The following OSBPL9 variants were observed in gnomAD, a reference collection of about 807,000 sequenced individuals.
OSBPL9 encodes the protein oxysterol binding protein like 9, also known as oxysterol-binding protein-related protein 9.
In OSBPL9, 40 loss-of-function variants were observed where a neutral mutation model predicts 106.6. The ratio of observed to expected loss-of-function variants is 0.38; its 90% CI spans 0.29 to 0.49. The LOEUF is 0.49. Ranked by LOEUF, OSBPL9 falls within the 20% of genes least tolerant of loss-of-function variation. The pLI, the probability that OSBPL9 is intolerant of heterozygous loss-of-function variation, is 0.97. For missense variants in OSBPL9, 609 were observed against 887.2 expected (o/e 0.69, Z 3.98); for synonymous variants, 269 against 295.4 (o/e 0.91, Z 0.92).
chr1:51,603,792 G>C (rs1319342662), intron 2 of OSBPL9, among the ~76,000 whole-genome samples: 1 of 152,150 alleles, frequency 6.6e-6, no homozygotes, highest in East Asian at 1.9e-4. Flanking sequence ...TTGGAGTGCA[G>C]GCAAATTATT....
the OSBPL9 span, among the ~76,000 whole-genome samples, chr1:51,553,473 C>T: frequency 6.6e-6 from 1 of 151,942 alleles, no homozygotes. Context: ...GTATTCTCAC[C>T]ACCACACCCC....
chr1:51,589,992 C>G (rs1389092364), intron 1 of OSBPL9, among the ~76,000 whole-genome samples: 1 of 146,996 alleles, frequency 6.8e-6, no homozygotes, highest in Non-Finnish European at 1.5e-5. Flanking sequence ...GAGGTTGCGC[C>G]CCTGCACTCC....
intron 20 of OSBPL9, 34 bp from the exon 21 acceptor site, chr1:51,785,774 T>G: frequency 6.3e-6 from 10 of 1,592,004 alleles, no homozygotes; most frequent in Non-Finnish European, 7.8e-6. Flanking sequence ...ATTTTCAACT[T>G]GAGACTAACA....
chr1:51,576,190 A>G (rs185734092), upstream of OSBPL9, among the ~76,000 whole-genome samples: 55 of 152,264 alleles, frequency 3.6e-4, no homozygotes, highest in Non-Finnish European at 6.0e-4. Flanking sequence ...AAGAGGTTTT[A>G]CCTCCTCAAC....
intron 4 of OSBPL9, among the ~76,000 whole-genome samples, chr1:51,719,056 G>A (rs1162233454): frequency 1.3e-5 from 2 of 152,036 alleles, no homozygotes; most frequent in Admixed American, 1.3e-4. Flanking sequence ...CTTTTGATAT[G>A]TAGCTTTAGT....
the OSBPL9 span, chr1:51,519,247 C>T: frequency 8.0e-7 from 1 of 1,249,778 alleles, no homozygotes; most frequent in Non-Finnish European, 1.0e-6. Flanking sequence ...TTCCATCATG[C>T]AAGGGAGGGG....
chr1:51,524,998 C>T, the OSBPL9 span, among the ~76,000 whole-genome samples: 1 of 152,340 alleles, frequency 6.6e-6, no homozygotes, highest in South Asian at 2.1e-4. Context: ...AATCACAAGG[C>T]AAGTCAGAGG....
the OSBPL9 span, among the ~76,000 whole-genome samples, chr1:51,559,213 T>C: frequency 2.4e-4 from 37 of 151,710 alleles, no homozygotes; most frequent in Non-Finnish European, 4.6e-4. Context: ...CCCATCTCCA[T>C]ACTGAGAGTC....
At chr1:51,708,410 A>G (rs879418398) in intron 3 of OSBPL9, among the ~76,000 whole-genome samples, 6 of 152,120 alleles carry the variant, frequency 3.9e-5, no homozygotes, top group Non-Finnish European at 8.8e-5. Flanking sequence ...TCTGCTTAAA[A>G]AGAATATCTG....
chr1:51,760,895 A>C, intron 10 of OSBPL9, 115 bp downstream of exon 10: 3 of 1,163,758 alleles, frequency 2.6e-6, no homozygotes, highest in Non-Finnish European at 3.6e-6. Context: ...TTTTAATAAA[A>C]GCACTCAAAA....
intron 7 of OSBPL9, 86 bp downstream of exon 7, chr1:51,748,484 A>G: frequency 7.7e-7 from 1 of 1,297,880 alleles, no homozygotes; most frequent in Non-Finnish European, 1.0e-6. Context: ...ACTATTGATG[A>G]CAGCAATTGA....
chr1:51,742,835 A>T (rs1481568650), intron 4 of OSBPL9, among the ~76,000 whole-genome samples: 1 of 152,238 alleles, frequency 6.6e-6, no homozygotes, highest in South Asian at 2.1e-4. Flanking sequence ...AACAGTTAAC[A>T]CTTCAGGAGA....
chr1:51,772,556 C>A, intron 13 of OSBPL9, 49 bp from the exon 14 acceptor site: 1 of 1,358,582 alleles, frequency 7.4e-7, no homozygotes, highest in Non-Finnish European at 1.1e-6. Flanking sequence ...AGTATCAGGA[C>A]AGATTGGCCC....
intron 1 of OSBPL9, among the ~76,000 whole-genome samples, chr1:51,595,257 G>C (rs1353125349): frequency 6.6e-6 from 1 of 152,112 alleles, no homozygotes; most frequent in Non-Finnish European, 1.5e-5. Context: ...GGCAGCTGAG[G>C]CTTGCCTCTG....
chr1:51,573,083 A>T (rs1179537476), upstream of OSBPL9, among the ~76,000 whole-genome samples: 1 of 152,098 alleles, frequency 6.6e-6, no homozygotes, highest in African/African-American at 2.4e-5. Context: ...GTGATGGCAC[A>T]TGCCTGTAGT....
chr1:51,544,503 A>G, the OSBPL9 span, among the ~76,000 whole-genome samples: 2 of 152,028 alleles, frequency 1.3e-5, no homozygotes, highest in African/African-American at 4.8e-5. Context: ...ATAACACTTG[A>G]CTCTTTGAGA....
At chr1:51,585,051 A>G (rs920860708) in intron 1 of OSBPL9, among the ~76,000 whole-genome samples, 6 of 152,118 alleles carry the variant, frequency 3.9e-5, no homozygotes, top group African/African-American at 1.4e-4. Flanking sequence ...GTGCACACCT[A>G]TAGTCTCAGC....
chr1:51,599,031 G>A (rs1429762198), intron 2 of OSBPL9, among the ~76,000 whole-genome samples: 1 of 150,754 alleles, frequency 6.6e-6, no homozygotes, highest in Non-Finnish European at 1.5e-5. Flanking sequence ...ATGAACATTA[G>A]AACATTAGGA....
At chr1:51,748,772 C>T (rs993671668) in intron 7 of OSBPL9, among the ~76,000 whole-genome samples, 1 of 152,154 alleles carries the variant, frequency 6.6e-6, no homozygotes, top group Non-Finnish European at 1.5e-5. Context: ...TCAAGCGATC[C>T]TCCTGCCTCA....
Sources: allele counts gnomAD v4.1 joint callset (sites outside exome capture counted in the v4.1 genomes callset), GRCh38; gene constraint gnomAD v4.1.1; transcripts MANE v1.5; gene names NCBI Gene and HGNC (gene_info 2026-07-23, HGNC 2026-07-21).